Variants in XPR1 observed in about 807,000 individuals in gnomAD.
The protein encoded by XPR1 is xenotropic and polytropic retrovirus receptor 1, also known as solute carrier family 53 member 1.
A neutral mutation model predicts 87.5 loss-of-function variants in XPR1; 28 were observed. That is an observed-to-expected ratio of 0.32 (90% CI 0.24 to 0.44). XPR1 has a LOEUF of 0.44. XPR1 is among the 20% of genes least tolerant of loss of function. The pLI, the probability that XPR1 is intolerant of heterozygous loss-of-function variation, is 1.00. For synonymous variants in XPR1, 300 were observed against 306.1 expected, an observed-to-expected ratio of 0.98 and a Z score of 0.21; for missense variants, 559 against 862.3, an observed-to-expected ratio of 0.65 and a Z score of 4.41.
intron 3 of XPR1, among the ~76,000 whole-genome samples, chr1:180,790,144 A>G (rs905702156): frequency 2.6e-5 from 4 of 151,874 alleles, no homozygotes; most frequent in Non-Finnish European, 5.9e-5. Flanking sequence ...CTCTCTCCCA[A>G]ATGCCTATAG....
chr1:180,664,967 G>A (rs1279568253), intron 1 of XPR1, among the ~76,000 whole-genome samples: 1 of 152,198 alleles, frequency 6.6e-6, no homozygotes, highest in Non-Finnish European at 1.5e-5. Flanking sequence ...TCTGATAGGA[G>A]GTGGAGCTCA....
chr1:180,821,151 ATTATGTTTTCTT>A (rs1650614865), intron 7 of XPR1, among the ~76,000 whole-genome samples: 1 of 152,034 alleles, frequency 6.6e-6, no homozygotes, highest in South Asian at 2.1e-4. Context: ...AAGATTTATC[ATTATGTTTTCTT>A]TGGAGTTTTA....
At chr1:180,713,947 G>C (rs1178208219) in intron 2 of XPR1, among the ~76,000 whole-genome samples, 1 of 151,964 alleles carries the variant, frequency 6.6e-6, no homozygotes, top group South Asian at 2.1e-4. Flanking sequence ...TATATATCTG[G>C]TATTATTCTT....
intron 1 of XPR1, among the ~76,000 whole-genome samples, chr1:180,678,287 C>A (rs1242199884): frequency 6.6e-6 from 1 of 152,202 alleles, no homozygotes; most frequent in Non-Finnish European, 1.5e-5. Context: ...CTTCTCCCTT[C>A]TTCAGAGGTC....
At chr1:180,779,078 G>T (rs1648840057) in intron 2 of XPR1, among the ~76,000 whole-genome samples, 1 of 152,102 alleles carries the variant, frequency 6.6e-6, no homozygotes. Flanking sequence ...CCTCTGTTGG[G>T]AATTATTTTA....
chr1:180,726,336 C>G (rs887116899), intron 2 of XPR1, among the ~76,000 whole-genome samples: 2 of 152,198 alleles, frequency 1.3e-5, no homozygotes, highest in Non-Finnish European at 1.5e-5. Context: ...CCCTTCCATG[C>G]TGTGGAAGCT....
chr1:180,708,929 C>T (rs373856842), intron 2 of XPR1, among the ~76,000 whole-genome samples: 4 of 20,592 alleles, frequency 1.9e-4, no homozygotes, highest in Admixed American at 5.7e-4. Context: ...GGGGCGGGGG[C>T]GGGGACAAGT....
intron 12 of XPR1, among the ~76,000 whole-genome samples, chr1:180,865,584 T>A (rs1652363144): frequency 6.6e-6 from 1 of 152,162 alleles, no homozygotes; most frequent in South Asian, 2.1e-4. Flanking sequence ...GTAGTTTTAG[T>A]AGAGACGGGG....
intron 2 of XPR1, among the ~76,000 whole-genome samples, chr1:180,732,337 A>G (rs1658584511): frequency 6.6e-6 from 1 of 151,942 alleles, no homozygotes; most frequent in Admixed American, 6.6e-5. Flanking sequence ...TCTCATGGTT[A>G]TTTTTATCTT....
rs1649306182 is a variant in XPR1 at position 180,789,703 on chromosome 1, G to A, written c.223+1849G>A. 5.3e-5 allele frequency among the ~76,000 whole-genome samples: 8 copies of A among 151,944 alleles called. No individual in the cohort carries two copies. The South Asian group carries it at 1.5e-3, about 28-fold the overall frequency. On this transcript the variant is annotated intron_variant, in intron 3 of 14. Transcript: ENST00000367590. ...CCTAAGTGCTAGCATTATAGACATG[G>A]CCACCACACCCAGCCAGAATTATTT... is the stretch of plus-strand genomic sequence containing the variant.
In XPR1 at chr1:180,889,303, A is replaced by G. The variant is rs1181428157; in HGVS notation, c.*5237A>G. The stretch of plus-strand genomic sequence containing the variant: ...TTGCCTTGGATTCAGTATATCTACT[A>G]AGTACACAGTCTCGTATACCTTCAA... On this transcript the variant is annotated 3_prime_UTR_variant, in exon 15 of 15. Transcript: ENST00000367590. The G allele has an allele frequency of 6.6e-6, 1 of 152,212 alleles. No individual in the cohort carries two copies. The highest frequency in any genetic ancestry group is 2.4e-5 in the African/African-American group (1 of 41,450). 9.4% of individuals were successfully genotyped at this position (152,212 alleles called of 1,614,324 possible).
chr1:180,685,656 A>G (rs1172161925), intron 2 of XPR1, among the ~76,000 whole-genome samples: 2 of 152,116 alleles, frequency 1.3e-5, no homozygotes, highest in Non-Finnish European at 2.9e-5. Context: ...TATTGCCTCA[A>G]TTTCAGAGCC....
intron 1 of XPR1, among the ~76,000 whole-genome samples, chr1:180,664,929 T>A (rs986549204): frequency 6.6e-6 from 1 of 152,212 alleles, no homozygotes; most frequent in Non-Finnish European, 1.5e-5. Flanking sequence ...GAGTTCGTGC[T>A]CCTGTGAGAA....
chr1:180,682,682 C>A (rs368583818), intron 2 of XPR1, among the ~76,000 whole-genome samples: 1 of 151,886 alleles, frequency 6.6e-6, no homozygotes, highest in Non-Finnish European at 1.5e-5. Flanking sequence ...AGAAGTTTTT[C>A]TGTGTAATGC....
chr1:180,883,639 A>G (rs1424328034), intron 14 of XPR1, among the ~76,000 whole-genome samples: 2 of 151,218 alleles, frequency 1.3e-5, no homozygotes, highest in African/African-American at 4.9e-5. Context: ...AGCCTGGGAA[A>G]CGGAGGTTGC....
At chr1:180,735,257 G>C (rs1423676343) in intron 2 of XPR1, among the ~76,000 whole-genome samples, 6 of 152,280 alleles carry the variant, frequency 3.9e-5, no homozygotes, top group Admixed American at 2.6e-4. Flanking sequence ...TATGGCTCTT[G>C]CTAGATGTTT....
At chr1:180,663,212 C>T (rs935267957) in intron 1 of XPR1, among the ~76,000 whole-genome samples, 1 of 152,186 alleles carries the variant, frequency 6.6e-6, no homozygotes, top group Non-Finnish European at 1.5e-5. Flanking sequence ...TTTGGGCATT[C>T]AAGAGTTATT....
At chr1:180,805,143 A>C (rs1649944898) in intron 4 of XPR1, among the ~76,000 whole-genome samples, 1 of 152,230 alleles carries the variant, frequency 6.6e-6, no homozygotes, top group Non-Finnish European at 1.5e-5. Context: ...ATTAAAAGCT[A>C]TCTCTAAGTC....
chr1:180,666,257 G>A (rs1234318766), intron 1 of XPR1, among the ~76,000 whole-genome samples: 1 of 152,146 alleles, frequency 6.6e-6, no homozygotes, highest in Non-Finnish European at 1.5e-5. Context: ...CAAGATTCTT[G>A]TAGCTGTTCA....
Sources: allele counts gnomAD v4.1 joint callset (sites outside exome capture counted in the v4.1 genomes callset), GRCh38; gene constraint gnomAD v4.1.1; transcripts MANE v1.5; gene names NCBI Gene and HGNC (gene_info 2026-07-23, HGNC 2026-07-21).